SPATA13: variants seen among roughly 807,000 people sequenced by gnomAD.
SPATA13 encodes the protein spermatogenesis-associated protein 13.
SPATA13 carries 50 observed loss-of-function variants against 104.0 expected under a neutral mutation model. The observed-to-expected ratio is 0.48, with a 90% CI of 0.38 to 0.61. SPATA13 has a LOEUF of 0.61. SPATA13 is among the 20% of genes least tolerant of loss of function. The pLI, the probability that SPATA13 is intolerant of heterozygous loss-of-function variation, is 0.00. For synonymous variants in SPATA13, 606 were observed against 667.5 expected (o/e 0.91, Z 1.42); for missense variants, 1,524 against 1,690.6 (o/e 0.90, Z 1.73).
intron 5 of SPATA13, 51 bp downstream of exon 5, chr13:24,284,322 G>C: frequency 6.4e-7 from 1 of 1,567,420 alleles, no homozygotes; most frequent in Non-Finnish European, 8.7e-7. Flanking sequence ...TGATTTTCAG[G>C]GTCCACAACC....
intron 3 of SPATA13, among the ~76,000 whole-genome samples, chr13:24,064,478 G>T (rs1878881484): frequency 6.6e-6 from 1 of 152,094 alleles, no homozygotes; most frequent in East Asian, 1.9e-4. Flanking sequence ...AGGTCATTGG[G>T]TCATGAGGGT....
intron 1 of SPATA13, among the ~76,000 whole-genome samples, chr13:24,179,171 T>C (rs1409437337): frequency 1.3e-5 from 2 of 152,260 alleles, no homozygotes; most frequent in East Asian, 3.8e-4. Context: ...ATGTATTCAT[T>C]CATCAGTTGA....
chr13:24,191,850 T>C (rs529102284), intron 1 of SPATA13, among the ~76,000 whole-genome samples: 2 of 152,146 alleles, frequency 1.3e-5, no homozygotes, highest in South Asian at 4.2e-4. Context: ...GCATACCTCA[T>C]CAGAGTAATG....
chr13:24,084,121 T>G (rs1879637562), intron 3 of SPATA13, among the ~76,000 whole-genome samples: 1 of 152,186 alleles, frequency 6.6e-6, no homozygotes, highest in Admixed American at 6.5e-5. Context: ...TGACTAGAAT[T>G]GTAATGAGCT....
At chr13:24,089,650 C>T (rs1387986886) in intron 3 of SPATA13, among the ~76,000 whole-genome samples, 1 of 152,208 alleles carries the variant, frequency 6.6e-6, no homozygotes, top group African/African-American at 2.4e-5. Context: ...AATATCAGTG[C>T]AGTCCATGCG....
chr13:24,232,679 G>C (rs1017830237), intron 2 of SPATA13, among the ~76,000 whole-genome samples: 6 of 152,140 alleles, frequency 3.9e-5, no homozygotes, highest in Admixed American at 2.6e-4. Flanking sequence ...CCACCCAGTA[G>C]CTGGGACTAC....
chr13:24,072,825 C>CTTTTTTTGTT lies in SPATA13; in HGVS notation c.-112+55131_-112+55132insGTTTTTTTTT, dbSNP rs1268191710. Among the ~76,000 whole-genome samples, 369 of 120,648 alleles carry CTTTTTTTGTT rather than the reference C, an allele frequency of 3.1e-3. 14 individuals carry two copies. The East Asian group carries it at 0.063, about 21-fold the overall frequency. The allele number at this position is 120,648 out of a possible 152,430, so 79.1% of individuals were successfully genotyped here. ...CCTCCTCAGTGTCTACTGTTGGCTC[C>CTTTTTTTGTT]TTTTTTTTTTTTTTTTTTACATCCC... On this transcript the variant is annotated intron_variant, in intron 3 of 14. Coordinates refer to the SPATA13 transcript ENST00000424834.
chr13:24,300,635 GC>G lies in SPATA13; in HGVS notation c.3658+162del, dbSNP rs1877117793. 13 of 661,836 alleles carry G rather than the reference GC, an allele frequency of 2.0e-5. No homozygotes were observed. The South Asian group carries it at 2.3e-4, about 12-fold the overall frequency. The allele number at this position is 661,836 out of a possible 1,614,324, so 41.0% of individuals were successfully genotyped here. A position where few individuals can be genotyped will look rare whatever the true frequency, so the allele number is the denominator to read the frequency against. On this transcript the variant is annotated intron_variant, in intron 12 of 12. Coordinates refer to ENST00000382108, the MANE Select transcript of SPATA13 (RefSeq NM_001166271.3). ...CCAGAACAGGGGCCAGGTGAAGGTG[GC>G]CTGTGTTTGGTTTTGAATGTGCGTC...
At chr13:24,220,610 C>T (rs1219714863) in intron 1 of SPATA13, among the ~76,000 whole-genome samples, 1 of 152,236 alleles carries the variant, frequency 6.6e-6, no homozygotes, top group African/African-American at 2.4e-5. Context: ...CAAGCCTCTG[C>T]TTATGTGGCT....
At chr13:24,227,209 GA>G (rs1397358689) in intron 2 of SPATA13, among the ~76,000 whole-genome samples, 1 of 152,102 alleles carries the variant, frequency 6.6e-6, no homozygotes, top group African/African-American at 2.4e-5. Context: ...CCTAAAAAAG[GA>G]TTTGTATATG....
intron 1 of SPATA13, among the ~76,000 whole-genome samples, chr13:24,193,190 AAAGTGGAC>A (rs1255178675): frequency 6.6e-6 from 1 of 152,150 alleles, no homozygotes; most frequent in African/African-American, 2.4e-5. Flanking sequence ...GGAGAGTAGA[AAAGTGGAC>A]AAGTGAGTAC....
intron 3 of SPATA13, among the ~76,000 whole-genome samples, chr13:24,078,036 C>G (rs969287295): frequency 2.0e-5 from 3 of 152,138 alleles, no homozygotes; most frequent in Non-Finnish European, 4.4e-5. Flanking sequence ...CAAACCGGTC[C>G]CAGCGTCCAT....
At chr13:24,090,474 C>CGG (rs1193606283) in intron 3 of SPATA13, among the ~76,000 whole-genome samples, 1 of 152,200 alleles carries the variant, frequency 6.6e-6, no homozygotes, top group Non-Finnish European at 1.5e-5. Context: ...CCTGACCGTC[C>CGG]CCTCACCGAA....
At chr13:24,202,348 G>A (rs1018364293) in intron 1 of SPATA13, among the ~76,000 whole-genome samples, 2 of 151,864 alleles carry the variant, frequency 1.3e-5, no homozygotes, top group Non-Finnish European at 2.9e-5. Context: ...CAGCCACACC[G>A]AGTAGATGGC....
intron 3 of SPATA13, among the ~76,000 whole-genome samples, chr13:24,137,777 CA>C (rs1881622024): frequency 6.6e-6 from 1 of 152,072 alleles, no homozygotes; most frequent in Admixed American, 6.6e-5. Flanking sequence ...CAAAAAAACC[CA>C]AAAGTAACAT....
At chr13:24,104,147 C>A (rs940075566) in intron 3 of SPATA13, among the ~76,000 whole-genome samples, 1 of 151,932 alleles carries the variant, frequency 6.6e-6, no homozygotes, top group African/African-American at 2.4e-5. Context: ...AGTCTGCTCA[C>A]CACATGTGTA....
At chr13:24,157,546 C>T (rs553815239), upstream of SPATA13, among the ~76,000 whole-genome samples, 3 of 152,114 alleles carry the variant, frequency 2.0e-5, no homozygotes, top group Admixed American at 6.5e-5. Context: ...GTGATCTGCC[C>T]GTCTTGGCCT....
At chr13:24,213,893 C>A (rs17462295) in intron 1 of SPATA13, among the ~76,000 whole-genome samples, 35,056 of 151,984 alleles carry the variant, frequency 0.23, 4,415 homozygotes, top group South Asian at 0.3. Flanking sequence ...AACATTTTAC[C>A]TTCTGGTATT....
chr13:24,070,472 G>A (rs1199661903), intron 3 of SPATA13, among the ~76,000 whole-genome samples: 1 of 152,128 alleles, frequency 6.6e-6, no homozygotes, highest in Non-Finnish European at 1.5e-5. Flanking sequence ...TTTGGTCGTG[G>A]TTTGGGTTGT....
Sources: allele counts gnomAD v4.1 joint callset (sites outside exome capture counted in the v4.1 genomes callset), GRCh38; gene constraint gnomAD v4.1.1; transcripts MANE v1.5; gene names NCBI Gene and HGNC (gene_info 2026-07-23, HGNC 2026-07-21).